Variants in C18orf63 observed in about 807,000 individuals in gnomAD.
C18orf63 encodes the protein chromosome 18 open reading frame 63.
A neutral mutation model predicts 75.3 loss-of-function variants in C18orf63; 50 were observed. The ratio of observed to expected loss-of-function variants is 0.66; its 90% CI spans 0.53 to 0.84. C18orf63 has a LOEUF of 0.84. C18orf63 is among the 40% of genes least tolerant of loss of function. The pLI is 0.00. For synonymous variants in C18orf63, 232 were observed against 267.6 expected (o/e 0.87, Z 1.30); for missense variants, 732 against 800.2 (o/e 0.91, Z 1.03).
At chr18:74,339,238 G>T (rs989897610) in intron 8 of C18orf63, among the ~76,000 whole-genome samples, 2 of 151,770 alleles carry the variant, frequency 1.3e-5, no homozygotes, top group Admixed American at 6.6e-5. Context: ...AGGACTATTG[G>T]GATAAAATTT....
Position 74,327,933 on chromosome 18 carries a change from T to C in C18orf63, c.271-14T>C. 6.7e-7 allele frequency: 1 copy of C among 1,490,666 alleles called. No individual in the cohort carries two copies. Among genetic ancestry groups the C allele is most frequent in the South Asian group, 1.2e-5 (1 of 83,082 alleles). 92.3% of individuals were successfully genotyped at this position (1,490,666 alleles called of 1,614,324 possible). A position where few individuals can be genotyped will look rare whatever the true frequency, so the allele number is the denominator to read the frequency against. Reference sequence around the variant, plus strand: ...TTCTAAATTGGCCCATATTTTGCCATTTAATATTTTTAGATGGAGGCTCCA... The same window carrying C: ...TTCTAAATTGGCCCATATTTTGCCACTTAATATTTTTAGATGGAGGCTCCA... On this transcript the variant is annotated splice_polypyrimidine_tract_variant and intron_variant, in intron 4 of 13. Transcript: ENST00000579455.
intron 7 of C18orf63, among the ~76,000 whole-genome samples, chr18:74,333,341 C>T (rs1481806425): frequency 1.3e-5 from 2 of 152,150 alleles, no homozygotes; most frequent in East Asian, 1.9e-4. Flanking sequence ...AGCCAGCATG[C>T]CTGGTTATTC....
intron 6 of C18orf63, among the ~76,000 whole-genome samples, chr18:74,330,037 TGTCA>T (rs1398880713): frequency 2.0e-5 from 3 of 148,728 alleles, no homozygotes; most frequent in Non-Finnish European, 4.5e-5. Context: ...ATTTGTGTAG[TGTCA>T]GTCAGTGTGC....
At chr18:74,354,350 A>G in intron 12 of C18orf63, 82 bp downstream of exon 12, 1 of 1,299,106 alleles carries the variant, frequency 7.7e-7, no homozygotes, top group Non-Finnish European at 1.0e-6. Context: ...TGATTTCCCT[A>G]AGATCATTTA....
intron 6 of C18orf63, 72 bp downstream of exon 6, chr18:74,329,108 G>T: frequency 1.0e-6 from 1 of 994,388 alleles, no homozygotes; most frequent in South Asian, 1.4e-5. Flanking sequence ...AGTATCATAT[G>T]CTGGGCACAG....
At chr18:74,318,074 A>G (rs1019835535) in intron 2 of C18orf63, 75 bp downstream of exon 2, 8 of 900,342 alleles carry the variant, frequency 8.9e-6, no homozygotes, top group African/African-American at 5.1e-5. Flanking sequence ...GGAATTTTCT[A>G]TAAAGCAAAA....
chr18:74,346,978 T>C (rs1339136131), intron 11 of C18orf63, among the ~76,000 whole-genome samples: 2 of 152,240 alleles, frequency 1.3e-5, no homozygotes, highest in Non-Finnish European at 2.9e-5. Context: ...GTTAAATGCA[T>C]TGCAGAATTA....
At chr18:74,349,599 A>G (rs781530403) in intron 11 of C18orf63, among the ~76,000 whole-genome samples, 1 of 152,172 alleles carries the variant, frequency 6.6e-6, no homozygotes, top group African/African-American at 2.4e-5. Context: ...CGAGGGATCT[A>G]GGTTGCATGC....
intron 7 of C18orf63, among the ~76,000 whole-genome samples, chr18:74,337,423 A>G (rs1211232148): frequency 6.6e-6 from 1 of 152,118 alleles, no homozygotes; most frequent in African/African-American, 2.4e-5. Flanking sequence ...AAGTACCCAG[A>G]GGATGTATAC....
chr18:74,342,740 A>G (rs978900339), intron 10 of C18orf63, among the ~76,000 whole-genome samples: 1 of 152,146 alleles, frequency 6.6e-6, no homozygotes, highest in African/African-American at 2.4e-5. Context: ...TTTATAGGCA[A>G]ATTTTCGATG....
At chr18:74,325,123 T>C (rs1195202612) in intron 4 of C18orf63, among the ~76,000 whole-genome samples, 1 of 152,168 alleles carries the variant, frequency 6.6e-6, no homozygotes, top group Non-Finnish European at 1.5e-5. Flanking sequence ...TAGTTTCTTA[T>C]TGTGGAAGCT....
intron 7 of C18orf63, among the ~76,000 whole-genome samples, chr18:74,334,348 A>G (rs1170964613): frequency 6.6e-6 from 1 of 151,912 alleles, no homozygotes; most frequent in Non-Finnish European, 1.5e-5. Context: ...GGAGGAGGGT[A>G]GGCAATGAGG....
chr18:74,347,010 A>T (rs1352810776), intron 11 of C18orf63, among the ~76,000 whole-genome samples: 1 of 152,244 alleles, frequency 6.6e-6, no homozygotes. Context: ...CAAGATTCTT[A>T]GTCCTGTAAT....
At chr18:74,350,648 C>T (rs1984651595) in intron 11 of C18orf63, among the ~76,000 whole-genome samples, 1 of 152,120 alleles carries the variant, frequency 6.6e-6, no homozygotes, top group Admixed American at 6.5e-5. Context: ...TGTTCTAATA[C>T]AAACCCCTTC....
At chr18:74,317,690 G>A in intron 1 of C18orf63, 144 bp from the exon 2 acceptor site, 2 of 478,408 alleles carry the variant, frequency 4.2e-6, no homozygotes, top group Admixed American at 7.6e-5. Flanking sequence ...GTAAATGGCA[G>A]GGATACTTAA....
At chr18:74,346,108 T>C (rs1375808372) in intron 11 of C18orf63, among the ~76,000 whole-genome samples, 2 of 152,126 alleles carry the variant, frequency 1.3e-5, no homozygotes, top group Admixed American at 6.5e-5. Context: ...TATAACTTTA[T>C]GTATGGGAAG....
intron 10 of C18orf63, 89 bp downstream of exon 10, chr18:74,342,415 T>A: frequency 1.3e-6 from 1 of 748,660 alleles, no homozygotes; most frequent in Non-Finnish European, 2.2e-6. Flanking sequence ...CTTTTCAACC[T>A]TCTTTCTCTG....
chr18:74,328,133 A>C (rs2058942), intron 5 of C18orf63, 75 bp downstream of exon 5: 17,811 of 859,362 alleles, frequency 0.021, 235 homozygotes, highest in Non-Finnish European at 0.026. Flanking sequence ...GTCTATTCTC[A>C]TGCTGCTAAT....
rs1471529215 is a variant in C18orf63, at chr18:74,316,043, G to A, written c.-99G>A. 1.3e-5 allele frequency: 2 copies of A among 152,268 alleles called. No homozygotes were observed. Among genetic ancestry groups the A allele is most frequent in the Non-Finnish European group, 2.9e-5 (2 of 68,134 alleles). 9.4% of individuals were successfully genotyped at this position (152,268 alleles called of 1,614,324 possible). ...CGCCCACCCGCCCTTTCCTCCCCCT[G>A]AGGAGACGCCTGACGCATCTGCAGT... On this transcript the variant is annotated 5_prime_UTR_variant, in exon 1 of 14. Coordinates refer to ENST00000579455, the MANE Select transcript of C18orf63 (RefSeq NM_001174123.2).
Sources: allele counts gnomAD v4.1 joint callset (sites outside exome capture counted in the v4.1 genomes callset), GRCh38; gene constraint gnomAD v4.1.1; transcripts MANE v1.5; gene names NCBI Gene and HGNC (gene_info 2026-07-23, HGNC 2026-07-21).